Variants in ADD1 observed in about 807,000 individuals in gnomAD.
The protein encoded by ADD1 is alpha-adducin.
Under a neutral mutation model 80.5 loss-of-function variants are expected in ADD1, and 24 were observed. The observed-to-expected ratio is 0.30, with a 90% CI of 0.22 to 0.42. The LOEUF (loss-of-function observed/expected upper bound fraction) is 0.42, where lower values mean the gene tolerates loss of function less well. ADD1 is among the 10% of genes least tolerant of loss of function. The pLI, the probability that ADD1 is intolerant of heterozygous loss-of-function variation, is 1.00. For missense variants in ADD1, 948 were observed against 1,019.0 expected (o/e 0.93, Z 0.95); for synonymous variants, 373 against 393.8 (o/e 0.95, Z 0.63).
rs1560242581 is a variant in ADD1, at chr4:2,915,021, GA to G, written c.1931del (p.Lys644SerfsTer77). 1 of 1,613,454 alleles carries G rather than the reference GA, an allele frequency of 6.2e-7. No individual in the cohort carries two copies. Among genetic ancestry groups the G allele is most frequent in the Middle Eastern group, 1.7e-4 (1 of 6,058 alleles). On this transcript the variant is annotated frameshift_variant, in exon 14 of 16. Transcript: ENST00000683351. LOFTEE classifies it high-confidence loss of function. ...LEEYRREVER[K>X]QKGSEENLDE... is the part of the protein sequence containing the mutation. ...AGGAGTACCGCAGGGAGGTGGAGAGGAAGCAGAAGGGCTCTGAAGGTGAGTG... is the reference window on the plus strand; with the variant it reads ...AGGAGTACCGCAGGGAGGTGGAGAGGAGCAGAAGGGCTCTGAAGGTGAGTG...
At position 2,908,612 on chromosome 4, in the gene ADD1, C is replaced by G. The variant is rs1737458401; in HGVS notation, c.1698+8C>G. 1.2e-5 allele frequency: 19 copies of G among 1,612,494 alleles called. No homozygotes were observed. Among genetic ancestry groups the G allele is most frequent in the Non-Finnish European group, 1.6e-5 (19 of 1,178,498 alleles). ...GACAGGAGCCTCGTCCAGGTGAGAG[C>G]CCAGAGTGTCTCTGACTTTAGTGGG... is the stretch of plus-strand genomic sequence containing the variant. On this transcript the variant is annotated splice_region_variant and intron_variant, in intron 12 of 15. Transcript: ENST00000683351.
intron 1 of ADD1, among the ~76,000 whole-genome samples, chr4:2,862,807 G>C (rs948946344): frequency 6.6e-6 from 1 of 152,174 alleles, no homozygotes; most frequent in East Asian, 1.9e-4. Context: ...AGAAATCTTT[G>C]TTTTGTTCAT....
rs1389248933 is a variant in ADD1 at position 2,926,959 on chromosome 4, C to T, written c.2047+847C>T. On this transcript the variant is annotated intron_variant, in intron 15 of 15. Coordinates refer to ENST00000683351, the MANE Select transcript of ADD1 (RefSeq NM_001354761.2). This position sits in a 1 kb window ranked among gnomAD's most constrained non-coding sequence, Gnocchi z 5.0. ...AGCCTTTGAGGGTCTCTTTGGATTG[C>T]TTGGTGGGAGGGTTTTGCCACACTG... Among the ~76,000 whole-genome samples the T allele has an allele frequency of 6.6e-6, 1 of 152,144 alleles. No individual in the cohort carries two copies. Among genetic ancestry groups the T allele is most frequent in the Non-Finnish European group, 1.5e-5 (1 of 68,016 alleles).
chr4:2,915,619 C>G (rs1410757665), intron 14 of ADD1, among the ~76,000 whole-genome samples: 1 of 151,978 alleles, frequency 6.6e-6, no homozygotes, highest in African/African-American at 2.4e-5. Flanking sequence ...CCAGCCTGGG[C>G]GACAGAGTGA....
chr4:2,904,464 C>G (rs1265350493), intron 9 of ADD1, among the ~76,000 whole-genome samples: 1 of 152,214 alleles, frequency 6.6e-6, no homozygotes, highest in African/African-American at 2.4e-5. Context: ...TGGTTTAGAG[C>G]ACATTGTGTC....
intron 1 of ADD1, among the ~76,000 whole-genome samples, chr4:2,849,991 T>C (rs1726818448): frequency 6.6e-6 from 1 of 152,238 alleles, no homozygotes; most frequent in Non-Finnish European, 1.5e-5. Context: ...AAAACATATG[T>C]CCGTACAAAA....
chr4:2,915,782 C>A (rs1738909944), intron 14 of ADD1, among the ~76,000 whole-genome samples: 1 of 152,164 alleles, frequency 6.6e-6, no homozygotes, highest in African/African-American at 2.4e-5. Context: ...CGAGATCGTG[C>A]CATTGCACTC....
chr4:2,876,085 G>T lies in ADD1; in HGVS notation c.170G>T (p.Arg57Met), dbSNP rs1224720801. 3.1e-6 allele frequency: 5 copies of T among 1,613,666 alleles called. No individual in the cohort carries two copies. The highest frequency in any genetic ancestry group is 4.2e-6 in the Non-Finnish European group (5 of 1,179,884). The change falls in exon 2 of 16, where the codon AGG becomes ATG. Residue 57 changes from arginine to methionine, a missense_variant. Physicochemically the swap from Arg to Met is moderately conservative, Grantham distance 91. Transcript: ENST00000683351. ...TTCAACATGATGGAGCAAAAGAAGA[G>T]GGTGTCCATGATTCTGCAAAGCCCT... ...QDFNMMEQKK[R>M]VSMILQSPAF...
At chr4:2,879,745 C>T (rs967068273) in intron 2 of ADD1, among the ~76,000 whole-genome samples, 1 of 152,102 alleles carries the variant, frequency 6.6e-6, no homozygotes, top group African/African-American at 2.4e-5. Context: ...GCCTCAGCCT[C>T]CTGAGTAGCT....
chr4:2,871,199 C>T (rs1730394372), intron 1 of ADD1, among the ~76,000 whole-genome samples: 1 of 152,064 alleles, frequency 6.6e-6, no homozygotes, highest in African/African-American at 2.4e-5. Context: ...TCTCGATCTC[C>T]TCACCTCGTG....
intron 8 of ADD1, 62 bp downstream of exon 8, chr4:2,898,593 A>T (rs1375834998): frequency 4.9e-6 from 7 of 1,441,000 alleles, no homozygotes; most frequent in South Asian, 1.1e-5. Flanking sequence ...GTTCACATAG[A>T]TTTTTTTTTG....
chr4:2,854,151 A>T (rs1226498023), intron 1 of ADD1, among the ~76,000 whole-genome samples: 1 of 152,060 alleles, frequency 6.6e-6, no homozygotes, highest in Admixed American at 6.6e-5. Flanking sequence ...GTGAAACCCC[A>T]TCTGTACTAA....
At chr4:2,897,308 A>G (rs1206316966) in intron 6 of ADD1, among the ~76,000 whole-genome samples, 6 of 151,816 alleles carry the variant, frequency 4.0e-5, no homozygotes, top group African/African-American at 1.4e-4. Flanking sequence ...GAATTTTAGG[A>G]AACTTAAGGA....
intron 1 of ADD1, among the ~76,000 whole-genome samples, chr4:2,852,185 T>TCTTTCTTC (rs1727247606): frequency 2.2e-5 from 1 of 45,888 alleles, no homozygotes; most frequent in South Asian, 8.6e-4. Context: ...TTTCTTTCTT[T>TCTTTCTTC]CTTTCTTTCT....
intron 1 of ADD1, among the ~76,000 whole-genome samples, chr4:2,845,657 T>C (rs1423883500): frequency 6.6e-6 from 1 of 152,218 alleles, no homozygotes; most frequent in Non-Finnish European, 1.5e-5. Context: ...TACAAGCTGG[T>C]CATTTTTCCC....
rs528244381 is a variant in ADD1 at position 2,908,399 on chromosome 4, G to A, written c.1609-116G>A. The A allele has an allele frequency of 5.8e-6, 5 of 861,394 alleles. 1 individual carries two copies. In the African/African-American group the frequency reaches 8.3e-5, roughly 14 times the overall value. 53.4% of individuals were successfully genotyped at this position (861,394 alleles called of 1,614,324 possible). A position where few individuals can be genotyped will look rare whatever the true frequency, so the allele number is the denominator to read the frequency against. ...GGCCATCCTGCCTGCGTGGGGCAGT[G>A]GGAGAGCTGAAATGTAGCTTCCATG... On this transcript the variant is annotated intron_variant, in intron 11 of 15. Coordinates refer to ENST00000683351, the MANE Select transcript of ADD1 (RefSeq NM_001354761.2).
chr4:2,908,762 C>G (rs1329984262), intron 12 of ADD1, 158 bp downstream of exon 12: 7 of 666,912 alleles, frequency 1.0e-5, no homozygotes, highest in Non-Finnish European at 1.8e-5. Context: ...GGTTCAGGCA[C>G]TTTTCGTTGA....
intron 14 of ADD1, among the ~76,000 whole-genome samples, chr4:2,918,314 T>C (rs994062120): frequency 6.6e-6 from 1 of 152,142 alleles, no homozygotes; most frequent in South Asian, 2.1e-4. Context: ...ATTTGACTCT[T>C]TGTCAATTAT....
intron 1 of ADD1, among the ~76,000 whole-genome samples, chr4:2,873,028 CTGT>C (rs1730702830): frequency 6.6e-6 from 1 of 151,922 alleles, no homozygotes; most frequent in African/African-American, 2.4e-5. Flanking sequence ...GAGTCTTACT[CTGT>C]TGTTCAGGCT....
Sources: gnomAD v4.1 joint callset for allele counts (sites outside exome capture counted in the v4.1 genomes callset) on GRCh38, gnomAD v4.1.1 for gene constraint, Gnocchi (gnomAD v3.1) non-coding constraint, MANE v1.5 for transcripts, NCBI Gene and HGNC (gene_info 2026-07-23, HGNC 2026-07-21) for gene names.